FGD2: variants seen among roughly 807,000 people sequenced by gnomAD.
FGD2 encodes the protein FYVE, RhoGEF and PH domain containing 2.
In FGD2, 52 loss-of-function variants were observed where a neutral mutation model predicts 75.9. The observed-to-expected ratio is 0.69, with a 90% CI of 0.55 to 0.86. The LOEUF (loss-of-function observed/expected upper bound fraction) is 0.86, where lower values mean the gene tolerates loss of function less well. Ranked by LOEUF, FGD2 falls within the 40% of genes least tolerant of loss-of-function variation. FGD2 has a pLI of 0.00. For missense variants in FGD2, 790 were observed against 872.0 expected (o/e 0.91, Z 1.18); for synonymous variants, 347 against 348.6 (o/e 1.00, Z 0.05).
chr6:37,026,560 A>G (rs1420637093), intron 14 of FGD2, among the ~76,000 whole-genome samples: 1 of 152,164 alleles, frequency 6.6e-6, no homozygotes, highest in Non-Finnish European at 1.5e-5. Flanking sequence ...TCAGCTAGGC[A>G]GCACAAATAC....
chr6:37,019,214 C>G (rs1765448447), intron 9 of FGD2, among the ~76,000 whole-genome samples: 1 of 152,194 alleles, frequency 6.6e-6, no homozygotes, highest in African/African-American at 2.4e-5. Flanking sequence ...TCCTAACTGG[C>G]CTTTGGGCTA....
At position 37,017,213 on chromosome 6, in the gene FGD2, C is replaced by T. The variant is rs73409462; in HGVS notation, c.1122+1353C>T. ...ATTGCGTCCCACTGTGCAGATGCAC[C>T]GGAATTTCTTCAACCAGTCTTCTGC... On this transcript the variant is annotated intron_variant, in intron 9 of 15. Transcript: ENST00000274963. Among the ~76,000 whole-genome samples the T allele has an allele frequency of 8.7e-3, 1,324 of 152,218 alleles. 20 individuals carry two copies. Among genetic ancestry groups the T allele is most frequent in the African/African-American group, 0.03 (1,247 of 41,536 alleles).
chr6:37,016,534 A>ATTTTT (rs59713417), intron 9 of FGD2, among the ~76,000 whole-genome samples: 90 of 136,768 alleles, frequency 6.6e-4, no homozygotes, highest in African/African-American at 2.4e-3. Context: ...AATCTTCTGG[A>ATTTTT]TTTTTTTTTT....
intron 14 of FGD2, among the ~76,000 whole-genome samples, chr6:37,026,829 G>A (rs758487091): frequency 2.0e-5 from 3 of 150,674 alleles, no homozygotes; most frequent in Admixed American, 6.6e-5. Flanking sequence ...GTGAAGTCCC[G>A]TCTCTACTAA....
rs1764975883 is a variant in FGD2 at position 37,011,006 on chromosome 6, G to C, written c.334G>C (p.Glu112Gln). The C allele has an allele frequency of 6.2e-6, 10 of 1,614,132 alleles. No individual in the cohort carries two copies. Among genetic ancestry groups the C allele is most frequent in the Non-Finnish European group, 8.5e-6 (10 of 1,180,024 alleles). The stretch of plus-strand genomic sequence containing the variant: ...GAAGAAGATCGTCCAGGAGCTGCTG[G>C]AGACAGAGCAGGCCTATGTGGCGCG... ...PEKKIVQELL[E>Q]TEQAYVARLH... is the part of the protein sequence containing the mutation. The change falls in exon 3 of 16, where the codon GAG becomes CAG. Residue 112 changes from glutamate (E) to glutamine (Q), a missense_variant. Transcript: ENST00000274963.
Position 37,012,331 on chromosome 6 carries a change from T to A in FGD2, c.527+477T>A, listed in dbSNP as rs73730513. Among the ~76,000 whole-genome samples, 388 of 152,342 alleles carry A rather than the reference T, an allele frequency of 2.5e-3. 1 individual carries two copies. The highest frequency in any genetic ancestry group is 8.6e-3 in the African/African-American group (357 of 41,570). On this transcript the variant is annotated intron_variant, in intron 4 of 15. Transcript: ENST00000274963. ...ACGAAGTCTAGGATGTCCTTTAAGA[T>A]CTTTGGCAAAGAAGAATGCTAGTAA... is the stretch of plus-strand genomic sequence containing the variant.
At chr6:37,025,421 G>A (rs999753380) in intron 13 of FGD2, 18 of 243,570 alleles carry the variant, frequency 7.4e-5, no homozygotes, top group Non-Finnish European at 1.3e-4. Context: ...AGATGGCGGA[G>A]AGGACAGCAT....
intron 12 of FGD2, 187 bp downstream of exon 12, chr6:37,021,791 A>G (rs1023080412): frequency 1.7e-6 from 1 of 578,862 alleles, no homozygotes; most frequent in Non-Finnish European, 3.0e-6. Flanking sequence ...CTTTAGCAAA[A>G]CTTCCTTTGA....
rs747445131 is a variant in FGD2, at chr6:37,013,597, C to T, written c.528-12C>T. The T allele has an allele frequency of 3.0e-5, 49 of 1,611,354 alleles. No individual in the cohort carries two copies. The highest frequency in any genetic ancestry group is 4.1e-5 in the Non-Finnish European group (48 of 1,178,430). ...CTCTAGGCTGAGGGCAATCCCTGTG[C>T]CCCTCCTGCAGGACAGCTAACCCCC... On this transcript the variant is annotated splice_polypyrimidine_tract_variant and intron_variant, in intron 4 of 15. Coordinates refer to ENST00000274963, the MANE Select transcript of FGD2 (RefSeq NM_173558.4).
chr6:37,028,289 C>A lies in FGD2; in HGVS notation c.*126C>A. 1 of 957,418 alleles carries A rather than the reference C, an allele frequency of 1.0e-6. No individual in the cohort carries two copies. The highest frequency in any genetic ancestry group is 2.9e-5 in the Admixed American group (1 of 34,150). 59.3% of individuals were successfully genotyped at this position (957,418 alleles called of 1,614,324 possible). On this transcript the variant is annotated 3_prime_UTR_variant, in exon 16 of 16. Coordinates refer to ENST00000274963, the MANE Select transcript of FGD2 (RefSeq NM_173558.4). ...GCTTTCAGAGAATTGATTCAGCCAT[C>A]TGCGCCCAGGCCACGTGTCCCGATC...
intron 1 of FGD2, among the ~76,000 whole-genome samples, chr6:37,007,170 C>T (rs1313049753): frequency 6.6e-6 from 1 of 152,134 alleles, no homozygotes; most frequent in Admixed American, 6.5e-5. Flanking sequence ...ATGCTGAGCT[C>T]ATCGAATAAC....
intron 3 of FGD2, 44 bp downstream of exon 3, chr6:37,011,094 C>T (rs1561927401): frequency 6.4e-7 from 1 of 1,574,064 alleles, no homozygotes. Flanking sequence ...AGCCCTGGGT[C>T]TCCTCACCTC....
At chr6:37,007,493 C>A (rs1249081551) in intron 1 of FGD2, among the ~76,000 whole-genome samples, 1 of 152,228 alleles carries the variant, frequency 6.6e-6, no homozygotes, top group Non-Finnish European at 1.5e-5. Context: ...TGGGTGGAGC[C>A]CCTCAGCATG....
chr6:37,027,361 AG>A, intron 14 of FGD2, 67 bp from the exon 15 acceptor site: 17 of 1,538,466 alleles, frequency 1.1e-5, no homozygotes, highest in Non-Finnish European at 1.5e-5. Context: ...GTGATTGTCA[AG>A]CCCCCAGACC....
At chr6:37,015,623 T>C (rs1365254634) in intron 8 of FGD2, 145 bp from the exon 9 acceptor site, 1 of 718,544 alleles carries the variant, frequency 1.4e-6, no homozygotes, top group Non-Finnish European at 2.4e-6. Flanking sequence ...ACCTGTGATG[T>C]CCTGTGAGCA....
In FGD2 at chr6:37,021,143, T is replaced by A. The variant is rs567172519; in HGVS notation, c.1234-369T>A. Among the ~76,000 whole-genome samples, 12 of 152,180 alleles carry A rather than the reference T, an allele frequency of 7.9e-5. No homozygotes were observed. The South Asian group carries it at 2.3e-3, about 29-fold the overall frequency. On this transcript the variant is annotated intron_variant, in intron 11 of 15. Coordinates refer to ENST00000274963, the MANE Select transcript of FGD2 (RefSeq NM_173558.4). ...GTATGTGTCTTTGTGTGTCTGTGTT[T>A]GTGTGTGCGTGCGTGTGTGTGTGTG... is the stretch of plus-strand genomic sequence containing the variant.
chr6:37,014,846 G>A (rs1765199938), intron 7 of FGD2, 46 bp from the exon 8 acceptor site: 2 of 1,610,638 alleles, frequency 1.2e-6, no homozygotes, highest in South Asian at 2.2e-5. Flanking sequence ...CCAGAAGCAG[G>A]TGAGCCCTGC....
chr6:37,017,332 G>A (rs1442164760), intron 9 of FGD2, among the ~76,000 whole-genome samples: 1 of 152,176 alleles, frequency 6.6e-6, no homozygotes, highest in Non-Finnish European at 1.5e-5. Flanking sequence ...GAATGTATCT[G>A]CAGTTAATCC....
chr6:37,015,946 C>T, intron 9 of FGD2, 86 bp downstream of exon 9: 2 of 1,245,974 alleles, frequency 1.6e-6, no homozygotes, highest in Non-Finnish European at 2.2e-6. Flanking sequence ...ACCAGGTTCT[C>T]AATCACAGAA....
Sources: allele counts gnomAD v4.1 joint callset (sites outside exome capture counted in the v4.1 genomes callset), GRCh38; gene constraint gnomAD v4.1.1; transcripts MANE v1.5; gene names NCBI Gene and HGNC (gene_info 2026-07-23, HGNC 2026-07-21).